REL: variants seen among roughly 807,000 people sequenced by gnomAD.
REL encodes the protein proto-oncogene c-Rel.
In REL, 15 loss-of-function variants were observed where a neutral mutation model predicts 45.9. The ratio of observed to expected loss-of-function variants is 0.33; its 90% CI spans 0.22 to 0.50. The LOEUF (loss-of-function observed/expected upper bound fraction) is 0.50. Ranked by LOEUF, REL falls within the 20% of genes least tolerant of loss-of-function variation. The pLI is 0.98. For synonymous variants in REL, 239 were observed against 242.1 expected, an observed-to-expected ratio of 0.99 and a Z score of 0.12; for missense variants, 601 against 715.2, an observed-to-expected ratio of 0.84 and a Z score of 1.82.
intron 4 of REL, among the ~76,000 whole-genome samples, chr2:60,904,805 G>A (rs1263471450): frequency 2.6e-5 from 4 of 152,118 alleles, no homozygotes; most frequent in Non-Finnish European, 5.9e-5. Flanking sequence ...TAGGAAAATT[G>A]CTTCAGCCTG....
At position 60,922,751 on chromosome 2, in the gene REL, G is replaced by A. The variant is rs1674178647; in HGVS notation, c.*216G>A. 1.7e-6 allele frequency: 2 copies of A among 1,150,386 alleles called. No individual in the cohort carries two copies. The highest frequency in any genetic ancestry group is 2.1e-6 in the Non-Finnish European group (2 of 934,152). The allele number at this position is 1,150,386 out of a possible 1,614,324, so 71.3% of individuals were successfully genotyped here. ...ACAAAATTGGAAGCTGTCATAAAAAGACAACTCAGAGGCCAGGCGCAGGGG... is the reference window on the plus strand; with the variant it reads ...ACAAAATTGGAAGCTGTCATAAAAAAACAACTCAGAGGCCAGGCGCAGGGG... On this transcript the variant is annotated 3_prime_UTR_variant, in exon 10 of 10. Transcript: ENST00000394479.
chr2:60,889,620 C>T (rs1673157773), intron 1 of REL, among the ~76,000 whole-genome samples: 2 of 152,072 alleles, frequency 1.3e-5, no homozygotes, highest in Non-Finnish European at 2.9e-5. Context: ...CCCCCTTCCC[C>T]CACCCCACAA....
chr2:60,916,733 T>G, intron 4 of REL, 144 bp from the exon 5 acceptor site: 10 of 484,914 alleles, frequency 2.1e-5, no homozygotes, highest in East Asian at 6.0e-5. Context: ...AAGGCATTCT[T>G]GAGATTGTAT....
chr2:60,920,292 C>G (rs1260048736), intron 8 of REL, 183 bp downstream of exon 8: 1 of 623,424 alleles, frequency 1.6e-6, no homozygotes, highest in Admixed American at 3.0e-5. Flanking sequence ...ACCTCTGCCC[C>G]CCAGGTTCAA....
Position 60,922,173 on chromosome 2 carries a change from A to G in REL, c.1402A>G (p.Thr468Ala), listed in dbSNP as rs866842055. Residue 468 changes from threonine (T) to alanine (A), a missense_variant, in exon 10 of 10, where the codon ACA (threonine) becomes GCA (alanine). Around this residue, in one of 4 missense-constraint regions of REL, gnomAD observed 334 missense variants for 333.1 expected, o/e 1.00. Transcript: ENST00000394479. ...GTCTAATTGTTCTGTGAATATGATGACAACCAGCAGTGACAGCATGGGAGA... is the reference window on the plus strand; with the variant it reads ...GTCTAATTGTTCTGTGAATATGATGGCAACCAGCAGTGACAGCATGGGAGA... ...MLSNCSVNMM[T>A]TSSDSMGETD... is the part of the protein sequence containing the mutation. 6.2e-7 allele frequency: 1 copy of G among 1,614,134 alleles called. No homozygotes were observed.
Position 60,901,148 on chromosome 2 carries a change from C to CCCTTTTTTTTTTTTTTTTTTTTT in REL, c.394+65_394+66insCCTTTTTTTTTTTTTTTTTTTTT, listed in dbSNP as rs755936187. 2.4e-6 allele frequency: 2 copies of CCCTTTTTTTTTTTTTTTTTTTTT among 832,874 alleles called. 1 individual carries two copies. Among genetic ancestry groups the CCCTTTTTTTTTTTTTTTTTTTTT allele is most frequent in the African/African-American group, 4.8e-5 (2 of 41,388 alleles). 51.6% of individuals were successfully genotyped at this position (832,874 alleles called of 1,614,324 possible). ...GTTGATTTCTGTTTCTTTTTTCTTT[C>CCCTTTTTTTTTTTTTTTTTTTTT]TCTTTTTTTTTTTTTTTTTTTTTTT... On this transcript the variant is annotated intron_variant, in intron 4 of 9. Coordinates refer to ENST00000394479, the MANE Select transcript of REL (RefSeq NM_001291746.2).
chr2:60,918,280 G>C lies in REL; in HGVS notation c.625G>C (p.Asp209His). Residue 209 changes from aspartate to histidine, a missense_variant, in exon 6 of 10, where the codon GAC (aspartate) becomes CAC (histidine). By Grantham distance (81) the Asp-to-His change is moderately conservative. Transcript: ENST00000394479. ...RGGDEIFLLC[D>H]KVQKDDIEVR... ...AGGAGATGAAATATTTCTACTTTGT[G>C]ACAAAGTTCAGAAAGGTATTTATTT... 6.3e-7 allele frequency: 1 copy of C among 1,597,680 alleles called. No homozygotes were observed. The highest frequency in any genetic ancestry group is 8.6e-7 in the Non-Finnish European group (1 of 1,167,438).
At chr2:60,887,864 A>ACAATCTAAAGAAGTGTCATGTAAC (rs1183208385) in intron 1 of REL, among the ~76,000 whole-genome samples, 1 of 151,588 alleles carries the variant, frequency 6.6e-6, no homozygotes, top group African/African-American at 2.4e-5. Flanking sequence ...CTTTTTGTAA[A>ACAATCTAAAGAAGTGTCATGTAAC]CAATCTAAAG....
intron 4 of REL, among the ~76,000 whole-genome samples, chr2:60,914,187 C>T (rs1673895483): frequency 6.6e-6 from 1 of 152,190 alleles, no homozygotes; most frequent in Admixed American, 6.5e-5. Flanking sequence ...AATATTCCCT[C>T]CATTGCAGAG....
chr2:60,894,814 T>TGG (rs1673307695), intron 3 of REL, among the ~76,000 whole-genome samples: 1 of 151,878 alleles, frequency 6.6e-6, no homozygotes, highest in South Asian at 2.1e-4. Flanking sequence ...TTTCCTTTCT[T>TGG]GGGGTGGACA....
chr2:60,898,954 T>G (rs1673427228), intron 3 of REL: 1 of 152,254 alleles, frequency 6.6e-6, no homozygotes, highest in Non-Finnish European at 1.5e-5. Context: ...AACAATCTCT[T>G]GATCCTTCAT....
intron 3 of REL, 78 bp from the exon 4 acceptor site, chr2:60,900,910 CTTCA>C: frequency 8.6e-7 from 1 of 1,159,862 alleles, no homozygotes; most frequent in Non-Finnish European, 1.2e-6. Flanking sequence ...AGCATGATAA[CTTCA>C]GTATTGCTAT....
At chr2:60,919,760 C>G (rs2103984468) in intron 7 of REL, among the ~76,000 whole-genome samples, 1 of 152,028 alleles carries the variant, frequency 6.6e-6, no homozygotes, top group South Asian at 2.1e-4. Flanking sequence ...AGGGTTTTGT[C>G]ATGTTGCTTA....
intron 4 of REL, among the ~76,000 whole-genome samples, chr2:60,904,584 T>TAA (rs763409030): frequency 1.2e-4 from 16 of 135,546 alleles, no homozygotes; most frequent in African/African-American, 4.4e-4. Flanking sequence ...AAAAAATAAT[T>TAA]AAAAAAAAAA....
Position 60,927,617 on chromosome 2 carries a change from T to C in REL, c.*5082T>C, listed in dbSNP as rs926838248. 8 of 230,114 alleles carry C rather than the reference T, an allele frequency of 3.5e-5. No individual in the cohort carries two copies. The highest frequency in any genetic ancestry group is 1.8e-4 in the African/African-American group (8 of 45,196). The allele number at this position is 230,114 out of a possible 1,614,324, so 14.3% of individuals were successfully genotyped here. A position where few individuals can be genotyped will look rare whatever the true frequency, so the allele number is the denominator to read the frequency against. On this transcript the variant is annotated 3_prime_UTR_variant, in exon 10 of 10. Coordinates refer to ENST00000394479, the MANE Select transcript of REL (RefSeq NM_001291746.2). ...CAGTATTGATGCAGTCAATCTTGTA[T>C]AACATTTTTTGAATGTCCAATGTGC...
chr2:60,883,158 G>T (rs1470661289), intron 1 of REL, among the ~76,000 whole-genome samples: 1 of 152,166 alleles, frequency 6.6e-6, no homozygotes, highest in Non-Finnish European at 1.5e-5. Context: ...AGAGAATGAA[G>T]AGGGGGCCCC....
chr2:60,898,808 C>T (rs1673422876), intron 3 of REL, among the ~76,000 whole-genome samples: 1 of 152,214 alleles, frequency 6.6e-6, no homozygotes, highest in South Asian at 2.1e-4. Flanking sequence ...TACAGTTTGC[C>T]AATCTTTCCA....
chr2:60,904,087 T>C (rs540486287), intron 4 of REL, among the ~76,000 whole-genome samples: 2 of 152,138 alleles, frequency 1.3e-5, no homozygotes, highest in East Asian at 3.9e-4. Context: ...ATAGGTACTA[T>C]TAATAACTCA....
At chr2:60,889,685 A>G (rs1044015665) in intron 1 of REL, among the ~76,000 whole-genome samples, 3 of 152,066 alleles carry the variant, frequency 2.0e-5, no homozygotes, top group South Asian at 2.1e-4. Context: ...TCATTGATCA[A>G]TTCCCACCCA....
Sources: gnomAD v4.1 joint callset for allele counts (sites outside exome capture counted in the v4.1 genomes callset) on GRCh38, gnomAD v4.1.1 for gene constraint, gnomAD v4.1.1 regional missense constraint, MANE v1.5 for transcripts, NCBI Gene and HGNC (gene_info 2026-07-23, HGNC 2026-07-21) for gene names.